ASAP1: variants seen among roughly 807,000 people sequenced by gnomAD.
ASAP1 encodes the protein ArfGAP with SH3 domain, ankyrin repeat and PH domain 1.
Under a neutral mutation model 145.2 loss-of-function variants are expected in ASAP1, and 43 were observed. The ratio of observed to expected loss-of-function variants is 0.30; its 90% CI spans 0.23 to 0.38. The LOEUF (loss-of-function observed/expected upper bound fraction) is 0.38. Ranked by LOEUF, ASAP1 falls within the 10% of genes least tolerant of loss-of-function variation. The pLI is 1.00. For missense variants in ASAP1, 1,018 were observed against 1,355.3 expected (o/e 0.75, Z 3.91); for synonymous variants, 546 against 515.5 (o/e 1.06, Z -0.80).
At chr8:130,272,495 C>A (rs921323367) in intron 3 of ASAP1, among the ~76,000 whole-genome samples, 3 of 152,180 alleles carry the variant, frequency 2.0e-5, no homozygotes, top group African/African-American at 7.2e-5. Context: ...TATCCCACTA[C>A]TGGGTATTTC....
chr8:130,128,354 A>G (rs982565658), intron 15 of ASAP1, among the ~76,000 whole-genome samples: 8 of 152,024 alleles, frequency 5.3e-5, no homozygotes, highest in African/African-American at 1.9e-4. Context: ...GTAAAAAATC[A>G]ATATAACTGA....
At chr8:130,232,083 T>A (rs1370261302) in intron 4 of ASAP1, among the ~76,000 whole-genome samples, 1 of 152,234 alleles carries the variant, frequency 6.6e-6, no homozygotes, top group Non-Finnish European at 1.5e-5. Context: ...GGTAGCTGGC[T>A]TCCTCCAAAG....
chr8:130,167,401 C>A (rs1282404479), intron 11 of ASAP1, 135 bp downstream of exon 11: 1 of 811,456 alleles, frequency 1.2e-6, no homozygotes, highest in South Asian at 1.3e-5. Flanking sequence ...ACAGTTTCTA[C>A]ATGGGGCTTA....
At chr8:130,085,803 C>T (rs1371472354) in intron 25 of ASAP1, among the ~76,000 whole-genome samples, 1 of 149,272 alleles carries the variant, frequency 6.7e-6, no homozygotes, top group Non-Finnish European at 1.5e-5. Context: ...AAATTCCCTA[C>T]AAAACCCAAA....
intron 1 of ASAP1, among the ~76,000 whole-genome samples, chr8:130,405,596 G>A (rs1467417188): frequency 6.6e-6 from 1 of 152,154 alleles, no homozygotes; most frequent in Non-Finnish European, 1.5e-5. Context: ...TAGCCCTCAG[G>A]TTTATGAAAT....
At chr8:130,425,496 G>A (rs1445393101) in intron 1 of ASAP1, among the ~76,000 whole-genome samples, 2 of 152,074 alleles carry the variant, frequency 1.3e-5, no homozygotes, top group African/African-American at 2.4e-5. Flanking sequence ...CAGCCTGGGC[G>A]ACAGAGCAAG....
intron 5 of ASAP1, among the ~76,000 whole-genome samples, chr8:130,193,144 G>C (rs1262385010): frequency 6.6e-6 from 1 of 152,094 alleles, no homozygotes; most frequent in Non-Finnish European, 1.5e-5. Context: ...CGAGGCGGGC[G>C]AATCACTTGA....
intron 5 of ASAP1, among the ~76,000 whole-genome samples, chr8:130,199,773 A>G (rs1438766666): frequency 6.6e-6 from 1 of 152,232 alleles, no homozygotes; most frequent in East Asian, 1.9e-4. Flanking sequence ...GGTGAGAACT[A>G]TAGGGAGATG....
intron 3 of ASAP1, among the ~76,000 whole-genome samples, chr8:130,243,056 C>T (rs1030921533): frequency 7.9e-5 from 12 of 152,096 alleles, no homozygotes; most frequent in African/African-American, 2.4e-4. Context: ...TCAACAGGCA[C>T]CAGCCAAAGT....
At chr8:130,287,063 A>G (rs755832543) in intron 3 of ASAP1, among the ~76,000 whole-genome samples, 2 of 152,168 alleles carry the variant, frequency 1.3e-5, no homozygotes, top group Non-Finnish European at 2.9e-5. Flanking sequence ...GAGCAGTTAG[A>G]GCATTTTTAG....
intron 1 of ASAP1, among the ~76,000 whole-genome samples, chr8:130,414,462 C>T (rs1829392624): frequency 6.6e-6 from 1 of 152,160 alleles, no homozygotes; most frequent in African/African-American, 2.4e-5. Flanking sequence ...CTGGCTCTTC[C>T]CTCTACCAGC....
At chr8:130,128,208 A>C in intron 15 of ASAP1, 118 bp from the exon 16 acceptor site, 1 of 669,416 alleles carries the variant, frequency 1.5e-6, no homozygotes, top group East Asian at 3.4e-5. Context: ...AGTAATTCCA[A>C]AAGAGAAGCC....
rs1001201175 is a variant in ASAP1, at chr8:130,314,401, T to G, written c.186+43616A>C. Among the ~76,000 whole-genome samples, 3 of 152,328 alleles carry G rather than the reference T, an allele frequency of 2.0e-5. No individual in the cohort carries two copies. In the South Asian group the frequency reaches 6.2e-4, roughly 32 times the overall value. On this transcript the variant is annotated intron_variant, in intron 3 of 29. Transcript: ENST00000518721. ...AGCAGTTTATTTAATCTTGAAACATTACAAAGTGGGTATCATCATGCCCAT... is the reference window on the plus strand; with the variant it reads ...AGCAGTTTATTTAATCTTGAAACATGACAAAGTGGGTATCATCATGCCCAT...
intron 17 of ASAP1, among the ~76,000 whole-genome samples, chr8:130,125,026 C>T (rs906916334): frequency 3.9e-5 from 6 of 152,156 alleles, no homozygotes; most frequent in African/African-American, 1.4e-4. Context: ...GCTTAGTGAA[C>T]GCTCAGATGA....
chr8:130,262,221 C>T (rs890947946), intron 3 of ASAP1, among the ~76,000 whole-genome samples: 48 of 151,360 alleles, frequency 3.2e-4, no homozygotes, highest in African/African-American at 1.1e-3. Context: ...ATCATGAAAC[C>T]CTGTCTCTAC....
chr8:130,115,476 G>A, intron 23 of ASAP1, 152 bp downstream of exon 23: 1 of 650,376 alleles, frequency 1.5e-6, no homozygotes, highest in Non-Finnish European at 2.8e-6. Context: ...GCTGTTAAAT[G>A]GTGCCCAATA....
intron 3 of ASAP1, among the ~76,000 whole-genome samples, chr8:130,338,281 G>A (rs898283654): frequency 1.3e-5 from 2 of 152,228 alleles, no homozygotes; most frequent in African/African-American, 2.4e-5. Context: ...TTAAGTGGCA[G>A]CAGCAGGCTT....
chr8:130,072,830 C>CGCGCGCGG (rs1448184178), intron 27 of ASAP1, among the ~76,000 whole-genome samples: 11 of 31,926 alleles, frequency 3.4e-4, no homozygotes, highest in African/African-American at 1.6e-3. Context: ...TGTGTGCGCG[C>CGCGCGCGG]GGGGGGGGGC....
At chr8:130,278,307 C>T (rs530656154) in intron 3 of ASAP1, among the ~76,000 whole-genome samples, 1 of 152,192 alleles carries the variant, frequency 6.6e-6, no homozygotes, top group Non-Finnish European at 1.5e-5. Flanking sequence ...GTAGTCACAT[C>T]CCATAATCTA....
Sources: allele counts gnomAD v4.1 joint callset (sites outside exome capture counted in the v4.1 genomes callset), GRCh38; gene constraint gnomAD v4.1.1; transcripts MANE v1.5; gene names NCBI Gene and HGNC (gene_info 2026-07-23, HGNC 2026-07-21).